Variants in LRRC4C observed in about 807,000 individuals in gnomAD.
LRRC4C encodes the protein leucine rich repeat containing 4C.
LRRC4C carries 5 observed loss-of-function variants against 33.6 expected under a neutral mutation model. The observed-to-expected ratio is 0.15, with a 90% CI of 0.08 to 0.31. LRRC4C has a LOEUF of 0.31. LRRC4C is among the 10% of genes least tolerant of loss of function. The probability of loss-of-function intolerance (pLI) is 1.00; values close to 1 mark genes in which losing one functional copy is unlikely to be tolerated. For synonymous variants in LRRC4C, 329 were observed against 302.0 expected (o/e 1.09, Z -0.93); for missense variants, 560 against 796.7 (o/e 0.70, Z 3.58).
chr11:40,761,151 G>A (rs1174478138), intron 2 of LRRC4C, among the ~76,000 whole-genome samples: 1 of 151,934 alleles, frequency 6.6e-6, no homozygotes, highest in Non-Finnish European at 1.5e-5. Flanking sequence ...AGAACATATA[G>A]TGTTCGCCGC....
intron 2 of LRRC4C, among the ~76,000 whole-genome samples, chr11:40,892,086 G>C (rs61886613): frequency 0.091 from 13,031 of 143,938 alleles, 788 homozygotes; most frequent in African/African-American, 0.17. Flanking sequence ...AGTGAGTGGC[G>C]ATGGCGCCAC....
intron 2 of LRRC4C, among the ~76,000 whole-genome samples, chr11:40,734,162 A>T (rs926871240): frequency 4.6e-5 from 7 of 152,120 alleles, no homozygotes; most frequent in Non-Finnish European, 7.4e-5. Context: ...AATGCTTTTT[A>T]AAAAAATATA....
At chr11:41,386,572 AC>A in intron 1 of LRRC4C, among the ~76,000 whole-genome samples, 1 of 151,862 alleles carries the variant, frequency 6.6e-6, no homozygotes, top group Non-Finnish European at 1.5e-5. Flanking sequence ...TCACAGATGT[AC>A]CTTTGTAATT....
At chr11:40,887,228 A>T (rs538153896) in intron 2 of LRRC4C, among the ~76,000 whole-genome samples, 18 of 151,940 alleles carry the variant, frequency 1.2e-4, no homozygotes, top group African/African-American at 4.1e-4. Flanking sequence ...ATTTTGAAAA[A>T]TCATTATTTT....
chr11:41,253,891 C>G (rs2136665947), intron 1 of LRRC4C, among the ~76,000 whole-genome samples: 1 of 152,166 alleles, frequency 6.6e-6, no homozygotes, highest in South Asian at 2.1e-4. Context: ...CTTTAGTGAA[C>G]CAGGCACAGG....
chr11:40,577,898 C>A (rs1276662250), intron 3 of LRRC4C, among the ~76,000 whole-genome samples: 1 of 134,778 alleles, frequency 7.4e-6, no homozygotes. Flanking sequence ...TGCAGTGGTG[C>A]GATCTTGGCT....
At chr11:40,243,761 C>T (rs1866110737) in intron 4 of LRRC4C, among the ~76,000 whole-genome samples, 1 of 141,308 alleles carries the variant, frequency 7.1e-6, no homozygotes, top group Non-Finnish European at 1.5e-5. Flanking sequence ...GTGAACTTGG[C>T]TTGCTACATC....
intron 6 of LRRC4C, among the ~76,000 whole-genome samples, chr11:40,129,371 T>C (rs2134779012): frequency 6.6e-6 from 1 of 152,198 alleles, no homozygotes; most frequent in African/African-American, 2.4e-5. Flanking sequence ...TTGAGGGGGA[T>C]GGGGTAGGTG....
chr11:40,777,489 CT>C (rs796713159), intron 2 of LRRC4C, among the ~76,000 whole-genome samples: 1 of 106,518 alleles, frequency 9.4e-6, no homozygotes, highest in African/African-American at 3.7e-5. Flanking sequence ...ATTCTTTGTC[CT>C]TTTTTACTGT....
At position 40,442,557 on chromosome 11, in the gene LRRC4C, G is replaced by A. The variant is rs116809850; in HGVS notation, c.-269-122836C>T. 9.1e-3 allele frequency among the ~76,000 whole-genome samples: 1,378 copies of A among 152,254 alleles called. 19 individuals are homozygous for A. Among genetic ancestry groups the A allele is most frequent in the African/African-American group, 0.028 (1,152 of 41,544 alleles). On this transcript the variant is annotated intron_variant, in intron 3 of 6. Coordinates refer to ENST00000528697, the MANE Select transcript of LRRC4C (RefSeq NM_001258419.2). ...CAGAGAGAAGGAATCTACTATCAAT[G>A]CTTCAATGTGCTGGGGAAAGTTACA...
intron 2 of LRRC4C, among the ~76,000 whole-genome samples, chr11:40,774,264 T>A (rs1040351258): frequency 6.6e-6 from 1 of 152,144 alleles, no homozygotes; most frequent in Non-Finnish European, 1.5e-5. Flanking sequence ...ACATTTGAAA[T>A]GCTTCCACTT....
intron 1 of LRRC4C, among the ~76,000 whole-genome samples, chr11:40,992,063 T>A (rs557505935): frequency 6.6e-6 from 1 of 152,324 alleles, no homozygotes; most frequent in South Asian, 2.1e-4. Flanking sequence ...TTTAAAAACA[T>A]CCACTTGTTC....
chr11:41,363,363 C>A (rs570126045), intron 1 of LRRC4C, among the ~76,000 whole-genome samples: 2 of 152,256 alleles, frequency 1.3e-5, no homozygotes, highest in East Asian at 1.9e-4. Flanking sequence ...CTGAAATTTG[C>A]GGATATATAA....
intron 2 of LRRC4C, among the ~76,000 whole-genome samples, chr11:40,819,783 T>C (rs190135913): frequency 6.6e-6 from 1 of 152,156 alleles, no homozygotes; most frequent in Admixed American, 6.6e-5. Flanking sequence ...ACTGAAGGGT[T>C]ACTGTTCTGA....
At chr11:40,861,464 AC>A (rs1478472929) in intron 2 of LRRC4C, among the ~76,000 whole-genome samples, 3 of 152,178 alleles carry the variant, frequency 2.0e-5, no homozygotes, top group African/African-American at 7.2e-5. Context: ...TCATTCCATT[AC>A]CAAAAACTTG....
chr11:40,776,514 G>C (rs1012642533), intron 2 of LRRC4C, among the ~76,000 whole-genome samples: 3 of 151,944 alleles, frequency 2.0e-5, no homozygotes, highest in Non-Finnish European at 4.4e-5. Context: ...TAGTTTCTTT[G>C]CATAGAGGTG....
intron 1 of LRRC4C, among the ~76,000 whole-genome samples, chr11:41,184,534 T>TCTGAGACCAC (rs1462598011): frequency 6.6e-6 from 1 of 152,156 alleles, no homozygotes; most frequent in Non-Finnish European, 1.5e-5. Flanking sequence ...CTCAACTTCA[T>TCTGAGACCAC]CTGAGACCAC....
At chr11:40,214,278 G>A (rs1863817073) in intron 5 of LRRC4C, among the ~76,000 whole-genome samples, 1 of 152,018 alleles carries the variant, frequency 6.6e-6, no homozygotes, top group Admixed American at 6.6e-5. Context: ...CTTCCCCTAT[G>A]GTATATAATC....
chr11:41,437,750 A>G (rs1332353285), intron 1 of LRRC4C, among the ~76,000 whole-genome samples: 1 of 152,184 alleles, frequency 6.6e-6, no homozygotes, highest in African/African-American at 2.4e-5. Flanking sequence ...AGATAATTAC[A>G]ATATGGGCTG....
Sources: allele counts gnomAD v4.1 joint callset (sites outside exome capture counted in the v4.1 genomes callset), GRCh38; gene constraint gnomAD v4.1.1; transcripts MANE v1.5; gene names NCBI Gene and HGNC (gene_info 2026-07-23, HGNC 2026-07-21).